Variants in ACTL6A observed in about 807,000 individuals in gnomAD.
ACTL6A encodes actin like 6A.
ACTL6A carries 5 observed loss-of-function variants against 59.2 expected under a neutral mutation model. The observed-to-expected ratio is 0.08, with a 90% CI of 0.04 to 0.18. ACTL6A has a LOEUF of 0.18. ACTL6A is among the 10% of genes least tolerant of loss of function. The pLI, the probability that ACTL6A is intolerant of heterozygous loss-of-function variation, is 1.00. For missense variants in ACTL6A, 285 were observed against 526.9 expected, an observed-to-expected ratio of 0.54 and a Z score of 4.49; for synonymous variants, 154 against 171.8, an observed-to-expected ratio of 0.90 and a Z score of 0.81.
Position 179,563,089 on chromosome 3 carries a change from A to G in ACTL6A, c.-4A>G, listed in dbSNP as rs1438015706. ...TTAGGGTAGGAGTCGCGCCGGCAGC[A>G]GCCATGAGCGGCGGCGTGTACGGGG... On this transcript the variant is annotated 5_prime_UTR_variant, in exon 1 of 14. Transcript: ENST00000429709. 1.2e-6 allele frequency: 2 copies of G among 1,612,434 alleles called. No homozygotes were observed. The highest frequency in any genetic ancestry group is 1.1e-5 in the South Asian group (1 of 90,964).
At chr3:179,566,294 A>C (rs1278390783) in intron 1 of ACTL6A, among the ~76,000 whole-genome samples, 1 of 152,240 alleles carries the variant, frequency 6.6e-6, no homozygotes, top group Non-Finnish European at 1.5e-5. Flanking sequence ...AGTTGAAGCT[A>C]TAGGAGTAGA....
At chr3:179,586,467 G>GAAAAA in intron 12 of ACTL6A, 79 bp from the exon 13 acceptor site, 1 of 749,442 alleles carries the variant, frequency 1.3e-6, no homozygotes, top group Non-Finnish European at 1.9e-6. Context: ...GTCTCTATTT[G>GAAAAA]AAAAAAAAAA....
chr3:179,585,285 A>T (rs771439668), intron 12 of ACTL6A, among the ~76,000 whole-genome samples: 5 of 152,116 alleles, frequency 3.3e-5, no homozygotes, highest in Non-Finnish European at 5.9e-5. Flanking sequence ...TATTTTTAGT[A>T]GAGATGCAGT....
At chr3:179,586,489 A>AATT in intron 12 of ACTL6A, 57 bp from the exon 13 acceptor site, 3 of 1,221,272 alleles carry the variant, frequency 2.5e-6, no homozygotes, top group South Asian at 1.6e-5. Flanking sequence ...AAAAAAAAGA[A>AATT]TTTTCTAAGT....
chr3:179,571,898 G>A (rs183425881), intron 3 of ACTL6A, among the ~76,000 whole-genome samples: 71 of 132,860 alleles, frequency 5.3e-4, no homozygotes, highest in Admixed American at 4.9e-3. Flanking sequence ...ATGAACATAG[G>A]GAACTGTTTG....
intron 1 of ACTL6A, among the ~76,000 whole-genome samples, chr3:179,566,983 G>A (rs555845292): frequency 1.5e-4 from 22 of 151,720 alleles, no homozygotes; most frequent in East Asian, 3.9e-4. Flanking sequence ...GCCACCGCGC[G>A]CCCTGCCTGA....
At chr3:179,572,261 A>G (rs966642001) in intron 3 of ACTL6A, among the ~76,000 whole-genome samples, 14 of 152,196 alleles carry the variant, frequency 9.2e-5, no homozygotes, top group African/African-American at 2.9e-4. Context: ...GGGAAGAACA[A>G]GAAAAGAAAA....
Position 179,576,629 on chromosome 3 carries a change from A to G in ACTL6A, c.581A>G (p.Lys194Arg). 6.2e-7 allele frequency: 1 copy of G among 1,613,040 alleles called. No individual in the cohort carries two copies. The highest frequency in any genetic ancestry group is 8.5e-7 in the Non-Finnish European group (1 of 1,179,228). ...DGYVLQQGIVKSPLAGDFITM... is the reference protein window; with the variant it reads ...DGYVLQQGIVRSPLAGDFITM... ...TTCATCTGTTTCATAGGCATTGTGAAATCCCCTCTTGCTGGAGACTTTATT... is the reference window on the plus strand; with the variant it reads ...TTCATCTGTTTCATAGGCATTGTGAGATCCCCTCTTGCTGGAGACTTTATT... The change falls in exon 7 of 14, where the codon AAA (lysine) becomes AGA (arginine). Residue 194 changes from lysine (K) to arginine (R), a missense_variant. Coordinates refer to ENST00000429709, the MANE Select transcript of ACTL6A (RefSeq NM_004301.5).
chr3:179,577,055 T>TA (rs1718190368), intron 8 of ACTL6A, 142 bp downstream of exon 8: 1 of 578,880 alleles, frequency 1.7e-6, no homozygotes, highest in Non-Finnish European at 3.0e-6. Flanking sequence ...TATTACTAAA[T>TA]ACATTTTGAA....
chr3:179,579,457 C>T (rs6793371), intron 8 of ACTL6A, among the ~76,000 whole-genome samples: 3,066 of 65,050 alleles, frequency 0.047, 37 homozygotes, highest in Non-Finnish European at 0.1. Flanking sequence ...ATATCATATA[C>T]ACACACACAC....
chr3:179,587,922 T>C lies in ACTL6A; in HGVS notation c.1210-8T>C. 1 of 1,591,836 alleles carries C rather than the reference T, an allele frequency of 6.3e-7. No individual in the cohort carries two copies. Among genetic ancestry groups the C allele is most frequent in the Non-Finnish European group, 8.5e-7 (1 of 1,174,110 alleles). Reference sequence around the variant, plus strand: ...GCATAATTATATAAATTTCTTTCCATTTTACAGGGTACCTTTCAACAGATG... The same window carrying C: ...GCATAATTATATAAATTTCTTTCCACTTTACAGGGTACCTTTCAACAGATG... On this transcript the variant is annotated splice_polypyrimidine_tract_variant and splice_region_variant and intron_variant, in intron 13 of 13. Transcript: ENST00000429709.
At chr3:179,563,776 T>TA (rs2108350683) in intron 1 of ACTL6A, among the ~76,000 whole-genome samples, 1 of 152,322 alleles carries the variant, frequency 6.6e-6, no homozygotes, top group South Asian at 2.1e-4. Context: ...GGAGCACGTG[T>TA]AATTTAAGGA....
rs756844686 is a variant in ACTL6A, at chr3:179,570,384, C to T, written c.277+143C>T. 1.4e-6 allele frequency: 1 copy of T among 723,878 alleles called. No homozygotes were observed. 44.8% of individuals were successfully genotyped at this position (723,878 alleles called of 1,614,324 possible). On this transcript the variant is annotated intron_variant, in intron 3 of 13. Coordinates refer to ENST00000429709, the MANE Select transcript of ACTL6A (RefSeq NM_004301.5). The surrounding 1 kb of genome is among the most constrained non-coding windows in gnomAD (Gnocchi z 4.3). ...TATTCCACAAACTGATTTCCAGACACTGAGAATACAAAGATGCATAAGAAA... is the reference window on the plus strand; with the variant it reads ...TATTCCACAAACTGATTTCCAGACATTGAGAATACAAAGATGCATAAGAAA...
chr3:179,581,875 G>C (rs1718350084), intron 11 of ACTL6A, among the ~76,000 whole-genome samples: 1 of 152,106 alleles, frequency 6.6e-6, no homozygotes, highest in South Asian at 2.1e-4. Context: ...GAAAAAAATT[G>C]GTTTTGTTAC....
exon 14 of ACTL6A, chr3:179,588,393 CATTCCAGAAATATATTTTGG>C (rs1438346086): frequency 1.1e-5 from 2 of 186,662 alleles, no homozygotes; most frequent in African/African-American, 4.7e-5. Context: ...AAAAATTAGC[CATTCCAGAAATATATTTTGG>C]ACTGTTGTGC....
chr3:179,573,502 T>G, intron 4 of ACTL6A, 33 bp downstream of exon 4: 13 of 1,409,092 alleles, frequency 9.2e-6, no homozygotes, highest in Non-Finnish European at 1.2e-5. Flanking sequence ...CACGTTTCTC[T>G]AGTTGTTTTT....
chr3:179,586,611 C>A lies in ACTL6A; in HGVS notation c.1188C>A (p.Gly396=). The change falls in exon 13 of 14, where the codon GGC becomes GGA. Residue 396 remains glycine (G), a synonymous_variant. Coordinates refer to ENST00000429709, the MANE Select transcript of ACTL6A (RefSeq NM_004301.5). ...AACGGAGGTTTAGCTCATGGATTGG[C>A]GGCTCCATTCTAGCCTCTTTGGTTA... ...TVERRFSSWI[G]GSILASLGTF... The A allele has an allele frequency of 1.3e-6, 2 of 1,599,800 alleles. No individual in the cohort carries two copies. Among genetic ancestry groups the A allele is most frequent in the Non-Finnish European group, 1.7e-6 (2 of 1,175,908 alleles).
intron 12 of ACTL6A, 59 bp from the exon 13 acceptor site, chr3:179,586,487 G>C: frequency 1.5e-6 from 1 of 659,106 alleles, no homozygotes; most frequent in Non-Finnish European, 2.2e-6. Flanking sequence ...AAAAAAAAAA[G>C]AATTTTCTAA....
intron 8 of ACTL6A, among the ~76,000 whole-genome samples, chr3:179,577,493 A>G (rs1576854560): frequency 6.6e-6 from 1 of 152,300 alleles, no homozygotes; most frequent in East Asian, 1.9e-4. Context: ...AAAAAACAAA[A>G]AAAAACTGTT....
Sources: allele counts gnomAD v4.1 joint callset (sites outside exome capture counted in the v4.1 genomes callset), GRCh38; gene constraint gnomAD v4.1.1; non-coding constraint Gnocchi (gnomAD v3.1); transcripts MANE v1.5; gene names NCBI Gene and HGNC (gene_info 2026-07-23, HGNC 2026-07-21).